The following RPS6KA5 variants were observed in gnomAD, a reference collection of about 807,000 sequenced individuals.
The protein encoded by RPS6KA5 is ribosomal protein S6 kinase alpha-5.
Under a neutral mutation model 85.5 loss-of-function variants are expected in RPS6KA5, and 27 were observed. That is an observed-to-expected ratio of 0.32 (90% CI 0.23 to 0.44). The LOEUF is 0.44. RPS6KA5 is among the 20% of genes least tolerant of loss of function. The probability of loss-of-function intolerance (pLI) is 1.00; values close to 1 mark genes in which losing one functional copy is unlikely to be tolerated. For synonymous variants in RPS6KA5, 334 were observed against 348.2 expected (o/e 0.96, Z 0.46); for missense variants, 811 against 980.9 (o/e 0.83, Z 2.31).
In RPS6KA5 at chr14:90,863,867, C is replaced by T. The variant is rs2032690381; in HGVS notation, c.*8207G>A. 1 of 152,066 alleles carries T rather than the reference C, an allele frequency of 6.6e-6. No individual in the cohort carries two copies. The highest frequency in any genetic ancestry group is 2.4e-5 in the African/African-American group (1 of 41,394). The allele number at this position is 152,066 out of a possible 1,614,324, so 9.4% of individuals were successfully genotyped here. ...CAATTAAACCCTAACATCCTCTGCC[C>T]CCAAAACTAACAAGGTGATTCTAAA... On this transcript the variant is annotated 3_prime_UTR_variant, in exon 17 of 17. Transcript: ENST00000614987.
At chr14:90,945,307 T>G (rs1267139874) in intron 4 of RPS6KA5, among the ~76,000 whole-genome samples, 2 of 152,200 alleles carry the variant, frequency 1.3e-5, no homozygotes, top group Non-Finnish European at 2.9e-5. Context: ...AGAGCCCCAG[T>G]GTTCTACAAG....
rs1223138523 is a variant in RPS6KA5 at position 90,861,461 on chromosome 14, G to T, written c.*10613C>A. 5.4e-5 allele frequency: 8 copies of T among 149,258 alleles called. No individual in the cohort carries two copies. The highest frequency in any genetic ancestry group is 1.5e-5 in the Non-Finnish European group (1 of 67,046). 9.2% of individuals were successfully genotyped at this position (149,258 alleles called of 1,614,324 possible). A position where few individuals can be genotyped will look rare whatever the true frequency, so the allele number is the denominator to read the frequency against. ...GGCATGAACCCGGGAGGCGGAGCTT[G>T]CAGTGAGCCGAGATCCCGCCACTGC... On this transcript the variant is annotated 3_prime_UTR_variant, in exon 17 of 17. Transcript: ENST00000614987.
At chr14:90,981,900 G>T (rs1053454834) in intron 2 of RPS6KA5, among the ~76,000 whole-genome samples, 1 of 152,196 alleles carries the variant, frequency 6.6e-6, no homozygotes, top group East Asian at 1.9e-4. Flanking sequence ...TTTTGTTTTT[G>T]AAGCACCCAT....
intron 1 of RPS6KA5, among the ~76,000 whole-genome samples, chr14:91,030,101 G>A (rs1305297919): frequency 1.3e-5 from 2 of 152,130 alleles, no homozygotes; most frequent in Admixed American, 1.3e-4. Context: ...AACCCCAAAA[G>A]GCTCCAAATT....
At chr14:90,888,810 TTC>T (rs2034385957) in intron 14 of RPS6KA5, among the ~76,000 whole-genome samples, 1 of 152,212 alleles carries the variant, frequency 6.6e-6, no homozygotes, top group Admixed American at 6.5e-5. Flanking sequence ...TTTAAGAATC[TTC>T]TCTGTTTAAA....
At chr14:90,890,770 T>A in intron 13 of RPS6KA5, 92 bp from the exon 14 acceptor site, 1 of 1,173,242 alleles carries the variant, frequency 8.5e-7, no homozygotes, top group Non-Finnish European at 1.2e-6. Flanking sequence ...TATTGATAGT[T>A]GATTCATGTG....
At chr14:90,931,387 G>C (rs1370413773) in intron 5 of RPS6KA5, among the ~76,000 whole-genome samples, 1 of 152,046 alleles carries the variant, frequency 6.6e-6, no homozygotes, top group Non-Finnish European at 1.5e-5. Context: ...TAGGGGACGG[G>C]GGAAAAGGTA....
intron 3 of RPS6KA5, among the ~76,000 whole-genome samples, chr14:90,949,984 T>A (rs2140377837): frequency 6.6e-6 from 1 of 152,328 alleles, no homozygotes; most frequent in South Asian, 2.1e-4. Flanking sequence ...GGTTGTATAC[T>A]TTGTAAGTTG....
At chr14:90,995,371 C>T (rs1422965950) in intron 2 of RPS6KA5, among the ~76,000 whole-genome samples, 1 of 152,292 alleles carries the variant, frequency 6.6e-6, no homozygotes, top group African/African-American at 2.4e-5. Flanking sequence ...TTATGACTCA[C>T]GGAAGGCTTT....
chr14:91,025,908 G>C (rs1324886208), intron 1 of RPS6KA5, among the ~76,000 whole-genome samples: 1 of 151,974 alleles, frequency 6.6e-6, no homozygotes, highest in Non-Finnish European at 1.5e-5. Context: ...ACAGTGTAAT[G>C]CTGAGATGTG....
chr14:90,939,164 G>A (rs2037440361), intron 5 of RPS6KA5, among the ~76,000 whole-genome samples: 2 of 152,100 alleles, frequency 1.3e-5, no homozygotes, highest in African/African-American at 4.8e-5. Context: ...CTAGGGCAGG[G>A]GCAAAATGCC....
chr14:91,040,403 C>T (rs758810276), intron 1 of RPS6KA5, among the ~76,000 whole-genome samples: 9 of 152,006 alleles, frequency 5.9e-5, no homozygotes, highest in South Asian at 2.1e-4. Context: ...AGCGAAAGTC[C>T]GCCTCTTAAA....
intron 2 of RPS6KA5, among the ~76,000 whole-genome samples, chr14:90,981,532 TG>T (rs2039789060): frequency 6.6e-6 from 1 of 152,256 alleles, no homozygotes; most frequent in Admixed American, 6.5e-5. Context: ...TCATCCTGAT[TG>T]CTATGTTACA....
At chr14:91,047,147 A>T (rs1429621157) in intron 1 of RPS6KA5, among the ~76,000 whole-genome samples, 1 of 152,170 alleles carries the variant, frequency 6.6e-6, no homozygotes, top group African/African-American at 2.4e-5. Context: ...AAATGTACTT[A>T]TTTAATTATA....
intron 15 of RPS6KA5, among the ~76,000 whole-genome samples, chr14:90,874,749 GGGAA>G (rs771429421): frequency 7.0e-4 from 107 of 152,302 alleles, no homozygotes; most frequent in Middle Eastern, 6.8e-3. Context: ...GCAGGTGAAT[GGGAA>G]GGAAGGGACC....
chr14:90,935,826 GCACT>G (rs1371027677), intron 5 of RPS6KA5, among the ~76,000 whole-genome samples: 1 of 152,116 alleles, frequency 6.6e-6, no homozygotes, highest in African/African-American at 2.4e-5. Context: ...AAATTTTCAA[GCACT>G]CACTGTTAAA....
rs935828871 is a variant in RPS6KA5, at chr14:90,994,561, A to ATTTTTT, written c.175+6521_175+6526dup. Among the ~76,000 whole-genome samples the ATTTTTT allele has an allele frequency of 9.7e-4, 60 of 61,940 alleles. 5 individuals carry two copies. Among genetic ancestry groups the ATTTTTT allele is most frequent in the Non-Finnish European group, 1.7e-3 (52 of 30,704 alleles). The allele number at this position is 61,940 out of a possible 152,430, so 40.6% of individuals were successfully genotyped here. ...GTGCTTTGCTTCTTGGATGTTTGTG[A>ATTTTTT]TTTTTTTTTTTTTTTTTTTTTTTTT... On this transcript the variant is annotated intron_variant, in intron 2 of 16. Coordinates refer to ENST00000614987, the MANE Select transcript of RPS6KA5 (RefSeq NM_004755.4).
intron 6 of RPS6KA5, among the ~76,000 whole-genome samples, chr14:90,922,602 C>T (rs543851079): frequency 6.6e-6 from 1 of 152,334 alleles, no homozygotes; most frequent in East Asian, 1.9e-4. Flanking sequence ...CGCTCGCCAC[C>T]ACGCCCAGCT....
intron 1 of RPS6KA5, among the ~76,000 whole-genome samples, chr14:91,028,260 T>C (rs1377442155): frequency 6.6e-6 from 1 of 152,124 alleles, no homozygotes; most frequent in African/African-American, 2.4e-5. Flanking sequence ...GACAGAGTCT[T>C]GCACTGGAGT....
Sources: gnomAD v4.1 joint callset for allele counts (sites outside exome capture counted in the v4.1 genomes callset) on GRCh38, gnomAD v4.1.1 for gene constraint, MANE v1.5 for transcripts, NCBI Gene and HGNC (gene_info 2026-07-23, HGNC 2026-07-21) for gene names.